Variants in AK7 observed in about 807,000 individuals in gnomAD.
The protein encoded by AK7 is ATP-AMP transphosphorylase 7.
A neutral mutation model predicts 96.6 loss-of-function variants in AK7; 78 were observed. The ratio of observed to expected loss-of-function variants is 0.81; its 90% CI spans 0.67 to 0.97. The LOEUF is 0.97. Ranked by LOEUF, AK7 falls within the 50% of genes least tolerant of loss-of-function variation. The pLI, the probability that AK7 is intolerant of heterozygous loss-of-function variation, is 0.00. For missense variants in AK7, 855 were observed against 887.9 expected (o/e 0.96, Z 0.47); for synonymous variants, 302 against 317.2 (o/e 0.95, Z 0.51).
At chr14:96,456,577 T>C (rs1893924745) in intron 11 of AK7, 102 bp downstream of exon 11, 1 of 1,377,968 alleles carries the variant, frequency 7.3e-7, no homozygotes. Flanking sequence ...GGATGCAGTT[T>C]AGATGATCCC....
chr14:96,478,031 T>C (rs1370540479), intron 14 of AK7, among the ~76,000 whole-genome samples: 1 of 152,066 alleles, frequency 6.6e-6, no homozygotes, highest in African/African-American at 2.4e-5. Context: ...TATACATACA[T>C]ATAAGTATGT....
intron 13 of AK7, 125 bp downstream of exon 13, chr14:96,471,731 G>T: frequency 1.1e-6 from 1 of 874,596 alleles, no homozygotes. Flanking sequence ...TTGAGCTTTG[G>T]CTCACCTTTC....
chr14:96,462,959 A>G (rs997867736), intron 12 of AK7, among the ~76,000 whole-genome samples: 5 of 152,000 alleles, frequency 3.3e-5, no homozygotes, highest in Admixed American at 3.3e-4. Flanking sequence ...AACATGGTGA[A>G]ACCCTCTCTC....
At chr14:96,404,943 A>C in intron 3 of AK7, 78 bp downstream of exon 3, 1 of 1,014,062 alleles carries the variant, frequency 9.9e-7, no homozygotes, top group Non-Finnish European at 1.5e-6. Flanking sequence ...ATCTAGGAAC[A>C]CTAGACAAAG....
chr14:96,415,774 A>AAATTAATTTAATACATT (rs1414715465), intron 4 of AK7, among the ~76,000 whole-genome samples: 4 of 145,288 alleles, frequency 2.8e-5, no homozygotes, highest in Non-Finnish European at 1.5e-5. Context: ...TTAATTAATT[A>AAATTAATTTAATACATT]AATTAATTTA....
At chr14:96,420,711 C>A in intron 4 of AK7, 111 bp from the exon 5 acceptor site, 1 of 757,192 alleles carries the variant, frequency 1.3e-6, no homozygotes. Flanking sequence ...AAAAATAAAT[C>A]AAGCGGTAGT....
At chr14:96,438,896 G>C (rs1476052225) in intron 6 of AK7, among the ~76,000 whole-genome samples, 1 of 152,142 alleles carries the variant, frequency 6.6e-6, no homozygotes, top group Admixed American at 6.5e-5. Context: ...TGAAGAGAGA[G>C]TCAATGGGAT....
chr14:96,420,601 A>G (rs189833674), intron 4 of AK7, among the ~76,000 whole-genome samples: 24 of 151,850 alleles, frequency 1.6e-4, no homozygotes, highest in Non-Finnish European at 3.1e-4. Flanking sequence ...GTTCATGCCT[A>G]TAATCCCAGC....
At chr14:96,404,648 T>A in intron 2 of AK7, 109 bp from the exon 3 acceptor site, 1 of 552,162 alleles carries the variant, frequency 1.8e-6, no homozygotes, top group African/African-American at 1.8e-5. Context: ...GTGTTTCCTG[T>A]GGGACTCCTC....
chr14:96,471,332 TTAAA>T, intron 12 of AK7, 142 bp from the exon 13 acceptor site: 7 of 396,276 alleles, frequency 1.8e-5, no homozygotes, highest in African/African-American at 2.3e-5. Context: ...CCCCGTCTCT[TTAAA>T]AAAAAAAAAA....
chr14:96,419,045 C>A (rs1229250831), intron 4 of AK7, among the ~76,000 whole-genome samples: 2 of 152,206 alleles, frequency 1.3e-5, no homozygotes, highest in Non-Finnish European at 2.9e-5. Flanking sequence ...TCAATTATTT[C>A]TTCTGATTCC....
At chr14:96,442,861 A>G in intron 7 of AK7, 43 bp downstream of exon 7, 1 of 1,554,706 alleles carries the variant, frequency 6.4e-7, no homozygotes, top group Non-Finnish European at 8.9e-7. Flanking sequence ...GAATTGGTTA[A>G]TGTGTTTGTT....
chr14:96,458,221 C>T lies in AK7; in HGVS notation c.1357+9C>T, dbSNP rs1894045555. 1 of 1,612,926 alleles carries T rather than the reference C, an allele frequency of 6.2e-7. No individual in the cohort carries two copies. On this transcript the variant is annotated intron_variant, in intron 12 of 17. Transcript: ENST00000267584. ...CATGGAGCAGAATGCAGGTAACACA[C>T]ACCCAGCAGAGAGCCACGCTGCTCT...
intron 5 of AK7, 96 bp from the exon 6 acceptor site, chr14:96,437,739 G>A: frequency 1.2e-6 from 1 of 855,318 alleles, no homozygotes; most frequent in East Asian, 2.6e-5. Flanking sequence ...GTTGACGGAA[G>A]TTCTGAAAGT....
chr14:96,411,145 A>AT (rs1197236618), intron 4 of AK7, among the ~76,000 whole-genome samples: 3 of 152,244 alleles, frequency 2.0e-5, no homozygotes, highest in Admixed American at 6.5e-5. Context: ...TCTCTACCTC[A>AT]TGCCACACAC....
chr14:96,458,131 G>C lies in AK7; in HGVS notation c.1276G>C (p.Glu426Gln). Reference protein sequence around the residue: ...NDVGEGEEEVEEEEEEENVED... With the variant: ...NDVGEGEEEVQEEEEEENVED... ...TGTAGGGGAAGGAGAAGAAGAAGTC[G>C]AAGAGGAAGAGGAGGAGGAGAATGT... Residue 426 changes from glutamate (E) to glutamine (Q), a missense_variant, in exon 12 of 18, where the codon GAA becomes CAA. Glu to Gln is a conservative substitution (Grantham distance 29, BLOSUM62 2). Coordinates refer to ENST00000267584, the MANE Select transcript of AK7 (RefSeq NM_152327.5). The C allele has an allele frequency of 6.2e-7, 1 of 1,613,984 alleles. No homozygotes were observed. The highest frequency in any genetic ancestry group is 1.1e-5 in the South Asian group (1 of 91,062).
chr14:96,418,037 A>C (rs968788097), intron 4 of AK7, among the ~76,000 whole-genome samples: 4 of 151,944 alleles, frequency 2.6e-5, no homozygotes, highest in Admixed American at 6.6e-5. Flanking sequence ...AAAGTGAAAA[A>C]CCCAACTGGG....
At chr14:96,408,128 T>C (rs1384982062) in intron 3 of AK7, among the ~76,000 whole-genome samples, 2 of 151,784 alleles carry the variant, frequency 1.3e-5, no homozygotes, top group Non-Finnish European at 2.9e-5. Context: ...AGGGGTGGAG[T>C]GGGAAGGGTG....
intron 2 of AK7, 32 bp downstream of exon 2, chr14:96,398,295 C>CA: frequency 6.2e-7 from 1 of 1,608,788 alleles, no homozygotes; most frequent in Non-Finnish European, 8.5e-7. Flanking sequence ...CAGGAGTAGA[C>CA]AGAGGGAAGA....
Sources: gnomAD v4.1 joint callset for allele counts (sites outside exome capture counted in the v4.1 genomes callset) on GRCh38, gnomAD v4.1.1 for gene constraint, MANE v1.5 for transcripts, NCBI Gene and HGNC (gene_info 2026-07-23, HGNC 2026-07-21) for gene names.